TELO2: variants seen among roughly 807,000 people sequenced by gnomAD.
The protein encoded by TELO2 is telomere maintenance 2.
Under a neutral mutation model 91.0 loss-of-function variants are expected in TELO2, and 71 were observed. That is an observed-to-expected ratio of 0.78 (90% CI 0.64 to 0.95). The LOEUF is 0.95. Among genes scored for constraint, TELO2 ranks in the 40% least tolerant of loss-of-function variants. TELO2 has a pLI of 0.00. For synonymous variants in TELO2, 584 were observed against 518.9 expected (o/e 1.13, Z -1.71); for missense variants, 1,183 against 1,141.3 (o/e 1.04, Z -0.53).
Position 1,495,590 on chromosome 16 carries a change from CG to C in TELO2, c.583del (p.Val195CysfsTer74). 2 of 1,606,502 alleles carry C rather than the reference CG, an allele frequency of 1.2e-6. No homozygotes were observed. Among genetic ancestry groups the C allele is most frequent in the Non-Finnish European group, 1.7e-6 (2 of 1,175,474 alleles). On this transcript the variant is annotated frameshift_variant, in exon 3 of 21. Coordinates refer to ENST00000262319, the MANE Select transcript of TELO2 (RefSeq NM_016111.4). LOFTEE classifies it high-confidence loss of function. ...YFRLLGEEVV[R>X]VLQAVVDSLQ... The stretch of plus-strand genomic sequence containing the variant: ...CCGCCTGCTCGGCGAGGAGGTCGTC[CG>C]GGTGCTGCAGGCGGTTGTGGACTCT...
At chr16:1,506,901 GACCTGGCCCTGAGGCACCCGCTGC>G in intron 17 of TELO2, 27 bp from the exon 18 acceptor site, 3 of 1,532,164 alleles carry the variant, frequency 2.0e-6, no homozygotes, top group Non-Finnish European at 2.6e-6. Flanking sequence ...GGAGGTTGGG[GACCTGGCCCTGAGGCACCCGCTGC>G]ACCTTGGGCT....
chr16:1,501,339 G>C lies in TELO2; in HGVS notation c.1282-81G>C, dbSNP rs2039668156. The stretch of plus-strand genomic sequence containing the variant: ...ACCGGGCTGCGAGGGAGGCCACAGT[G>C]GGGAGTGGCTCCCGTGGCTCCGTCT... On this transcript the variant is annotated intron_variant, in intron 9 of 20. Coordinates refer to ENST00000262319, the MANE Select transcript of TELO2 (RefSeq NM_016111.4). 21 of 1,468,990 alleles carry C rather than the reference G, an allele frequency of 1.4e-5. 1 individual carries two copies. Among genetic ancestry groups the C allele is most frequent in the Non-Finnish European group, 2.0e-5 (21 of 1,072,504 alleles). 91.0% of individuals were successfully genotyped at this position (1,468,990 alleles called of 1,614,324 possible).
rs751825612 is a variant in TELO2 at position 1,495,580 on chromosome 16, G to C, written c.570G>C (p.Glu190Asp). Reference sequence around the variant, plus strand: ...AGAACTACTTCCGCCTGCTCGGCGAGGAGGTCGTCCGGGTGCTGCAGGCGG... The same window carrying C: ...AGAACTACTTCCGCCTGCTCGGCGACGAGGTCGTCCGGGTGCTGCAGGCGG... ...FPQNYFRLLG[E>D]EVVRVLQAVV... is the part of the protein sequence containing the mutation. The change falls in exon 3 of 21, where the codon GAG (glutamate) becomes GAC (aspartate). Residue 190 changes from glutamate (E) to aspartate (D), a missense_variant. By Grantham distance (45) the Glu-to-Asp change is conservative. Coordinates refer to ENST00000262319, the MANE Select transcript of TELO2 (RefSeq NM_016111.4). 1 of 1,609,114 alleles carries C rather than the reference G, an allele frequency of 6.2e-7. No homozygotes were observed. Among genetic ancestry groups the C allele is most frequent in the South Asian group, 1.1e-5 (1 of 91,016 alleles).
chr16:1,509,017 C>T (rs1254184301), intron 20 of TELO2, among the ~76,000 whole-genome samples: 3 of 146,766 alleles, frequency 2.0e-5, no homozygotes, highest in African/African-American at 7.4e-5. Flanking sequence ...CCCACTCGCC[C>T]TGCCTGGAGG....
chr16:1,507,903 CGGCCCG>C (rs1567308076), intron 20 of TELO2, among the ~76,000 whole-genome samples, 187 bp downstream of exon 20: 1 of 112,874 alleles, frequency 8.9e-6, no homozygotes, highest in African/African-American at 3.5e-5. Context: ...TGATGTGTGT[CGGCCCG>C]GGGTGTGTGT....
At chr16:1,501,316 C>A in intron 9 of TELO2, 104 bp from the exon 10 acceptor site, 1 of 1,239,230 alleles carries the variant, frequency 8.1e-7, no homozygotes, top group Non-Finnish European at 1.1e-6. Flanking sequence ...TGAGTGAGAC[C>A]GGGCTGCGAG....
intron 20 of TELO2, among the ~76,000 whole-genome samples, chr16:1,508,683 C>G (rs2039998126): frequency 6.6e-6 from 1 of 152,340 alleles, no homozygotes; most frequent in South Asian, 2.1e-4. Flanking sequence ...CATCTCCCCT[C>G]TCCCCACCTG....
chr16:1,507,911 G>A lies in TELO2; in HGVS notation c.2407+195G>A, dbSNP rs540181294. Among the ~76,000 whole-genome samples the A allele has an allele frequency of 1.5e-3, 193 of 130,674 alleles. 3 individuals carry two copies. The East Asian group carries it at 0.035, about 24-fold the overall frequency. The allele number at this position is 130,674 out of a possible 152,430, so 85.7% of individuals were successfully genotyped here. The stretch of plus-strand genomic sequence containing the variant: ...GTGTGTGTGATGTGTGTCGGCCCGG[G>A]GTGTGTGTGTGTGTGTGGGTGTGTG... On this transcript the variant is annotated intron_variant, in intron 20 of 20. Transcript: ENST00000262319.
Position 1,502,424 on chromosome 16 carries a change from G to A in TELO2, c.1653+20G>A. On this transcript the variant is annotated intron_variant, in intron 13 of 20. Coordinates refer to ENST00000262319, the MANE Select transcript of TELO2 (RefSeq NM_016111.4). Reference sequence around the variant, plus strand: ...CGGGAGGTGAGTGGGGGGCGGGAGTGGGTGGGGAGGCCCAAGATGGTAGCT... The same window carrying A: ...CGGGAGGTGAGTGGGGGGCGGGAGTAGGTGGGGAGGCCCAAGATGGTAGCT... The A allele has an allele frequency of 1.9e-6, 3 of 1,575,958 alleles. No homozygotes were observed. Among genetic ancestry groups the A allele is most frequent in the Non-Finnish European group, 2.6e-6 (3 of 1,162,630 alleles).
In TELO2 at chr16:1,495,622, A is replaced by G. The variant is rs1166864368; in HGVS notation, c.612A>G (p.Gln204=). The change falls in exon 3 of 21, where the codon CAA becomes CAG. Residue 204 remains glutamine, a splice_region_variant and synonymous_variant. Transcript: ENST00000262319. Reference sequence around the variant, plus strand: ...TGCAGGCGGTTGTGGACTCTCTCCAAGGTGAGGCCCTGCCTCGGGGACCCC... The same window carrying G: ...TGCAGGCGGTTGTGGACTCTCTCCAGGGTGAGGCCCTGCCTCGGGGACCCC... ...RVLQAVVDSL[Q]GGLDSSVSFV... 6.3e-7 allele frequency: 1 copy of G among 1,587,420 alleles called. No homozygotes were observed. Among genetic ancestry groups the G allele is most frequent in the South Asian group, 1.1e-5 (1 of 89,814 alleles).
rs750075901 is a variant in TELO2, at chr16:1,500,500, G to T, written c.1144+12G>T. On this transcript the variant is annotated intron_variant, in intron 8 of 20. Transcript: ENST00000262319. The stretch of plus-strand genomic sequence containing the variant: ...GGACAGCCGGGATGGTGAGCGGGTG[G>T]TTTGGGCTCCCCCCGGCCTCGGGCG... 8 of 1,609,946 alleles carry T rather than the reference G, an allele frequency of 5.0e-6. No individual in the cohort carries two copies. The South Asian group carries it at 7.7e-5, about 16-fold the overall frequency.
Position 1,507,804 on chromosome 16 carries a change from G to A in TELO2, c.2407+88G>A, listed in dbSNP as rs2039957652. ...TGTGTGTGTGTGTGAGAGATGTGTCGGCCCGGGGTGTGTGTGTGTGTGTGT... is the reference window on the plus strand; with the variant it reads ...TGTGTGTGTGTGTGAGAGATGTGTCAGCCCGGGGTGTGTGTGTGTGTGTGT... On this transcript the variant is annotated intron_variant, in intron 20 of 20. Coordinates refer to ENST00000262319, the MANE Select transcript of TELO2 (RefSeq NM_016111.4). 10 of 1,099,410 alleles carry A rather than the reference G, an allele frequency of 9.1e-6. No individual in the cohort carries two copies. The Admixed American group carries it at 1.0e-4, about 11-fold the overall frequency. 68.1% of individuals were successfully genotyped at this position (1,099,410 alleles called of 1,614,324 possible).
Position 1,502,694 on chromosome 16 carries a change from G to T in TELO2, c.1703G>T (p.Cys568Phe). ...KVLLHLEEKT[C>F]VVGFAGLRQR... ...CTTCTGCATCTGGAGGAGAAGACCT[G>T]TGTGGTGGGATTTGCAGGGCTGCGC... is the stretch of plus-strand genomic sequence containing the variant. The change falls in exon 14 of 21, where the codon TGT (cysteine) becomes TTT (phenylalanine). Residue 568 changes from cysteine to phenylalanine, a missense_variant. Transcript: ENST00000262319. 2 of 1,612,822 alleles carry T rather than the reference G, an allele frequency of 1.2e-6. No homozygotes were observed. Among genetic ancestry groups the T allele is most frequent in the Non-Finnish European group, 1.7e-6 (2 of 1,179,890 alleles).
At chr16:1,507,930 G>A (rs1237424178) in intron 20 of TELO2, among the ~76,000 whole-genome samples, 1 of 151,098 alleles carries the variant, frequency 6.6e-6, no homozygotes, top group Non-Finnish European at 1.5e-5. Flanking sequence ...GTGTGTGTGG[G>A]TGTGTGTGTT....
In TELO2 at chr16:1,505,714, G is replaced by T; in HGVS notation, c.2034+113G>T. 2 of 1,314,174 alleles carry T rather than the reference G, an allele frequency of 1.5e-6. No homozygotes were observed. Among genetic ancestry groups the T allele is most frequent in the Non-Finnish European group, 2.1e-6 (2 of 975,164 alleles). The allele number at this position is 1,314,174 out of a possible 1,614,324, so 81.4% of individuals were successfully genotyped here. On this transcript the variant is annotated intron_variant, in intron 16 of 20. Transcript: ENST00000262319. This position sits in a 1 kb window ranked among gnomAD's most constrained non-coding sequence, Gnocchi z 4.3. ...GCGAGGGGCGGCCACATTCGCTGGG[G>T]ATGGTGCCTTTGCCGGGATTCCTGA...
chr16:1,504,237 A>C (rs977648258), intron 15 of TELO2, among the ~76,000 whole-genome samples: 14 of 151,644 alleles, frequency 9.2e-5, no homozygotes, highest in African/African-American at 3.4e-4. Context: ...GTTCAAGACC[A>C]GCCTCGCCAA....
At chr16:1,503,520 C>T (rs1363051619) in intron 15 of TELO2, among the ~76,000 whole-genome samples, 1 of 152,162 alleles carries the variant, frequency 6.6e-6, no homozygotes, top group Non-Finnish European at 1.5e-5. Context: ...ACCGCACTCC[C>T]GTGTGGGTGA....
chr16:1,506,719 G>A, intron 17 of TELO2: 1 of 1,391,836 alleles, frequency 7.2e-7, no homozygotes. Flanking sequence ...GCTGCAGCAG[G>A]GGTGGGGGTC....
At chr16:1,507,235 A>G in intron 18 of TELO2, 71 bp from the exon 19 acceptor site, 2 of 1,573,856 alleles carry the variant, frequency 1.3e-6, no homozygotes, top group South Asian at 2.2e-5. Flanking sequence ...CAGCAGCGGA[A>G]GCCGCCCATG....
Sources: gnomAD v4.1 joint callset for allele counts (sites outside exome capture counted in the v4.1 genomes callset) on GRCh38, gnomAD v4.1.1 for gene constraint, Gnocchi (gnomAD v3.1) non-coding constraint, MANE v1.5 for transcripts, NCBI Gene and HGNC (gene_info 2026-07-23, HGNC 2026-07-21) for gene names.